PRKAR2B: variants seen among roughly 807,000 people sequenced by gnomAD.
PRKAR2B encodes the protein protein kinase cAMP-dependent type II regulatory subunit beta.
Under a neutral mutation model 49.9 loss-of-function variants are expected in PRKAR2B, and 14 were observed. That is an observed-to-expected ratio of 0.28 (90% CI 0.19 to 0.44). The LOEUF (loss-of-function observed/expected upper bound fraction) is 0.44. Among genes scored for constraint, PRKAR2B ranks in the 20% least tolerant of loss-of-function variants. PRKAR2B has a pLI of 1.00. For missense variants in PRKAR2B, 393 were observed against 537.9 expected (o/e 0.73, Z 2.67); for synonymous variants, 196 against 197.7 (o/e 0.99, Z 0.07).
chr7:107,118,970 A>G (rs1795340111), intron 2 of PRKAR2B, among the ~76,000 whole-genome samples: 2 of 152,226 alleles, frequency 1.3e-5, no homozygotes, highest in Non-Finnish European at 2.9e-5. Context: ...GGCACAATGT[A>G]TAGTTCAGTG....
rs375823995 is a variant in PRKAR2B, at chr7:107,095,104, C to T, written c.343+24788C>T. On this transcript the variant is annotated intron_variant, in intron 2 of 10. Coordinates refer to ENST00000265717, the MANE Select transcript of PRKAR2B (RefSeq NM_002736.3). ...CTGTGAATTACCTTGGGCAGTATGG[C>T]CATTTTCATGATATTGATTCTTCCT... is the stretch of plus-strand genomic sequence containing the variant. 1.6e-4 allele frequency among the ~76,000 whole-genome samples: 25 copies of T among 152,244 alleles called. 2 individuals carry two copies. In the South Asian group the frequency reaches 5.2e-3, roughly 32 times the overall value.
At chr7:107,136,226 G>A (rs2115625499) in intron 4 of PRKAR2B, among the ~76,000 whole-genome samples, 1 of 152,232 alleles carries the variant, frequency 6.6e-6, no homozygotes, top group South Asian at 2.1e-4. Flanking sequence ...AAAATTCCTA[G>A]GCGATAACAT....
chr7:107,081,874 A>C (rs1794521441), intron 2 of PRKAR2B: 1 of 152,240 alleles, frequency 6.6e-6, no homozygotes, highest in African/African-American at 2.4e-5. Flanking sequence ...TTTATTGACC[A>C]TCAAAAAAGG....
intron 4 of PRKAR2B, among the ~76,000 whole-genome samples, chr7:107,136,547 A>G (rs1371904315): frequency 6.6e-6 from 1 of 152,232 alleles, no homozygotes; most frequent in Non-Finnish European, 1.5e-5. Flanking sequence ...GCACACAAGC[A>G]TATGAAAAGA....
At chr7:107,055,061 T>C (rs1280278368) in intron 1 of PRKAR2B, among the ~76,000 whole-genome samples, 1 of 150,008 alleles carries the variant, frequency 6.7e-6, no homozygotes, top group East Asian at 2.0e-4. Flanking sequence ...GAACATGCGG[T>C]GTTTGGTTTT....
chr7:107,136,145 A>G (rs1795698400), intron 4 of PRKAR2B, among the ~76,000 whole-genome samples: 5 of 152,204 alleles, frequency 3.3e-5, no homozygotes, highest in Admixed American at 3.3e-4. Flanking sequence ...GAATCTAGAA[A>G]TGGACATTTT....
chr7:107,128,006 G>T (rs182476338), intron 3 of PRKAR2B, among the ~76,000 whole-genome samples: 3 of 152,136 alleles, frequency 2.0e-5, no homozygotes, highest in African/African-American at 7.2e-5. Context: ...AACCTCCCCC[G>T]AACAAGGTGA....
chr7:107,124,977 T>A (rs1197209625), intron 3 of PRKAR2B, among the ~76,000 whole-genome samples: 1 of 152,140 alleles, frequency 6.6e-6, no homozygotes, highest in Non-Finnish European at 1.5e-5. Flanking sequence ...AGGTAATACA[T>A]CAATGAAAGG....
rs1224595549 is a variant in PRKAR2B, at chr7:107,157,304, T to C, written c.1103T>C (p.Ile368Thr). 3 of 1,613,712 alleles carry C rather than the reference T, an allele frequency of 1.9e-6. No individual in the cohort carries two copies. The highest frequency in any genetic ancestry group is 1.7e-6 in the Non-Finnish European group (2 of 1,179,880). Residue 368 changes from isoleucine to threonine, a missense_variant, in exon 10 of 11, where the codon ATT (isoleucine) becomes ACT (threonine). Ile to Thr is a moderately conservative substitution (Grantham distance 89). Coordinates refer to ENST00000265717, the MANE Select transcript of PRKAR2B (RefSeq NM_002736.3). ...CCTCGAGCAGCTTCTGCCCACGCCA[T>C]TGGGACTGTCAAATGTTTAGGTAGG... ...NKPRAASAHAIGTVKCLAMDV... is the reference protein window; with the variant it reads ...NKPRAASAHATGTVKCLAMDV...
At chr7:107,131,814 G>A (rs1795608948) in intron 4 of PRKAR2B, among the ~76,000 whole-genome samples, 1 of 152,140 alleles carries the variant, frequency 6.6e-6, no homozygotes, top group African/African-American at 2.4e-5. Flanking sequence ...TAGCTTTCTA[G>A]TTTTTTATGA....
chr7:107,073,131 A>C (rs955425568), intron 2 of PRKAR2B, among the ~76,000 whole-genome samples: 1 of 152,200 alleles, frequency 6.6e-6, no homozygotes, highest in Non-Finnish European at 1.5e-5. Flanking sequence ...TTGGCTTTTG[A>C]TATTCATACT....
At chr7:107,049,486 T>G (rs1165058765) in intron 1 of PRKAR2B, among the ~76,000 whole-genome samples, 1 of 152,214 alleles carries the variant, frequency 6.6e-6, no homozygotes, top group African/African-American at 2.4e-5. Flanking sequence ...TGTCCAGTCT[T>G]GTTGGAATCT....
intron 1 of PRKAR2B, among the ~76,000 whole-genome samples, chr7:107,068,242 C>T (rs1373999069): frequency 6.6e-6 from 1 of 152,140 alleles, no homozygotes; most frequent in Non-Finnish European, 1.5e-5. Flanking sequence ...AGCTCATAGT[C>T]CTGTGGCTTC....
chr7:107,129,373 A>C (rs1326853430), intron 4 of PRKAR2B, among the ~76,000 whole-genome samples: 1 of 152,162 alleles, frequency 6.6e-6, no homozygotes, highest in Admixed American at 6.5e-5. Context: ...ATAGGCCTAA[A>C]TTTGACCAGA....
intron 6 of PRKAR2B, among the ~76,000 whole-genome samples, chr7:107,149,735 A>C (rs1795949545): frequency 6.6e-6 from 1 of 152,170 alleles, no homozygotes; most frequent in African/African-American, 2.4e-5. Context: ...CCATTGCACT[A>C]GTTCATTTAA....
Position 107,157,337 on chromosome 7 carries a change from A to G in PRKAR2B, c.1123+13A>G, listed in dbSNP as rs1250959912. 6.2e-7 allele frequency: 1 copy of G among 1,605,246 alleles called. No individual in the cohort carries two copies. ...GTCAAATGTTTAGGTAGGGATTGCA[A>G]CAGTGGGCGTGCTTCTGCTGGTTGA... On this transcript the variant is annotated intron_variant, in intron 10 of 10. Transcript: ENST00000265717.
chr7:107,114,549 T>G (rs999818230), intron 2 of PRKAR2B, among the ~76,000 whole-genome samples: 3 of 140,640 alleles, frequency 2.1e-5, no homozygotes, highest in African/African-American at 8.4e-5. Context: ...TTTTTTTTTT[T>G]CTTGGAGAGG....
rs932616470 is a variant in PRKAR2B, at chr7:107,160,429, T to C, written c.*847T>C. ...TTTAAACTTAAGATCCGACATTTTTTGTATTCTTTAAGATTTTACACCTAA... is the reference window on the plus strand; with the variant it reads ...TTTAAACTTAAGATCCGACATTTTTCGTATTCTTTAAGATTTTACACCTAA... On this transcript the variant is annotated 3_prime_UTR_variant, in exon 11 of 11. Transcript: ENST00000265717. 3.3e-5 allele frequency: 5 copies of C among 152,196 alleles called. No individual in the cohort carries two copies. The highest frequency in any genetic ancestry group is 2.9e-5 in the Non-Finnish European group (2 of 68,018). The allele number at this position is 152,196 out of a possible 1,614,324, so 9.4% of individuals were successfully genotyped here. A position where few individuals can be genotyped will look rare whatever the true frequency, so the allele number is the denominator to read the frequency against.
chr7:107,076,339 C>CT (rs962220394), intron 2 of PRKAR2B, among the ~76,000 whole-genome samples: 33 of 152,230 alleles, frequency 2.2e-4, no homozygotes, highest in African/African-American at 7.7e-4. Flanking sequence ...TTTTCTCTCT[C>CT]TCTTTTAAAT....
Sources: allele counts gnomAD v4.1 joint callset (sites outside exome capture counted in the v4.1 genomes callset), GRCh38; gene constraint gnomAD v4.1.1; transcripts MANE v1.5; gene names NCBI Gene and HGNC (gene_info 2026-07-23, HGNC 2026-07-21).